EPRS1: variants seen among roughly 807,000 people sequenced by gnomAD.
The protein encoded by EPRS1 is glutamyl-prolyl-tRNA synthetase 1, also known as bifunctional glutamate/proline--tRNA ligase.
In EPRS1, 107 loss-of-function variants were observed where a neutral mutation model predicts 188.3. The ratio of observed to expected loss-of-function variants is 0.57; its 90% CI spans 0.49 to 0.67. The LOEUF is 0.67. Among genes scored for constraint, EPRS1 ranks in the 30% least tolerant of loss-of-function variants. EPRS1 has a pLI of 0.00. For missense variants in EPRS1, 1,577 were observed against 1,802.2 expected (o/e 0.88, Z 2.26); for synonymous variants, 596 against 593.1 (o/e 1.00, Z -0.07).
At position 220,034,985 on chromosome 1, in the gene EPRS1, T is replaced by C. The variant is rs1662151066; in HGVS notation, c.160A>G (p.Ile54Val). Residue 54 changes from isoleucine to valine, a missense_variant, in exon 3 of 32, where the codon ATA (isoleucine) becomes GTA (valine). By Grantham distance (29) the Ile-to-Val change is conservative (BLOSUM62 3). Around this residue, in one of 3 missense-constraint regions of EPRS1, gnomAD observed 1,278 missense variants for 1,457.4 expected, o/e 0.88. Transcript: ENST00000366923. ...ENVIFTDVNSILRYLARVATT... is the reference protein window; with the variant it reads ...ENVIFTDVNSVLRYLARVATT... ...GCAACTCTAGCCAAGTAGCGAAGTA[T>C]AGAATTCACATCTGTGAATATCACA... The C allele has an allele frequency of 6.3e-7, 1 of 1,595,736 alleles. No individual in the cohort carries two copies. The highest frequency in any genetic ancestry group is 1.1e-5 in the South Asian group (1 of 88,838).
At chr1:220,001,997 C>T (rs952945819) in intron 16 of EPRS1, among the ~76,000 whole-genome samples, 2 of 151,358 alleles carry the variant, frequency 1.3e-5, no homozygotes, top group African/African-American at 4.9e-5. Flanking sequence ...CCACTGCACT[C>T]CAGCCTGCGT....
At chr1:220,024,570 C>A in intron 7 of EPRS1, 114 bp from the exon 8 acceptor site, 1 of 648,904 alleles carries the variant, frequency 1.5e-6, no homozygotes, top group Non-Finnish European at 2.5e-6. Context: ...TCTTATTTAG[C>A]CTGAAAATGG....
intron 6 of EPRS1, 72 bp downstream of exon 6, chr1:220,030,314 A>C: frequency 2.1e-6 from 2 of 934,510 alleles, no homozygotes; most frequent in South Asian, 1.4e-5. Flanking sequence ...TAATACTTTA[A>C]GTATTTAATC....
At chr1:219,996,419 C>A (rs745328067) in intron 18 of EPRS1, among the ~76,000 whole-genome samples, 4 of 152,136 alleles carry the variant, frequency 2.6e-5, no homozygotes, top group Non-Finnish European at 5.9e-5. Context: ...AAGCATGGTC[C>A]CTGGGACAGT....
chr1:219,980,653 G>T, intron 25 of EPRS1, 103 bp downstream of exon 25: 1 of 670,422 alleles, frequency 1.5e-6, no homozygotes, highest in Non-Finnish European at 2.6e-6. Flanking sequence ...GAATTAATTT[G>T]ATTTTGCTTT....
intron 28 of EPRS1, 45 bp from the exon 29 acceptor site, chr1:219,973,443 A>T (rs1170214942): frequency 7.2e-7 from 1 of 1,397,892 alleles, no homozygotes; most frequent in East Asian, 2.4e-5. Context: ...GAATGTCTCC[A>T]GTTGAATATA....
At chr1:219,997,530 C>G (rs1339161662) in intron 17 of EPRS1, among the ~76,000 whole-genome samples, 188 bp from the exon 18 acceptor site, 1 of 151,970 alleles carries the variant, frequency 6.6e-6, no homozygotes, top group Non-Finnish European at 1.5e-5. Flanking sequence ...CAGGCGTAAA[C>G]AAAGATAGAG....
In EPRS1 at chr1:219,976,433, T is replaced by C. The variant is rs561562474; in HGVS notation, c.4083+2113A>G. On this transcript the variant is annotated intron_variant, in intron 28 of 31. Transcript: ENST00000366923. ...TGAATGGGGGTCTAGAATTAGACTA[T>C]TGTAATGTATGAACACTACTATACT... Among the ~76,000 whole-genome samples the C allele has an allele frequency of 6.6e-5, 10 of 152,336 alleles. No individual in the cohort carries two copies. The East Asian group carries it at 1.2e-3, about 18-fold the overall frequency.
chr1:220,038,453 C>T (rs1003529755), intron 2 of EPRS1, among the ~76,000 whole-genome samples: 2 of 129,742 alleles, frequency 1.5e-5, no homozygotes, highest in Non-Finnish European at 1.5e-5. Flanking sequence ...TGCAGTGGTG[C>T]GATCCTGGCT....
intron 16 of EPRS1, among the ~76,000 whole-genome samples, chr1:220,002,337 G>GA (rs59489422): frequency 0.63 from 91,554 of 145,104 alleles, 30,218 homozygotes; most frequent in Non-Finnish European, 0.75. Context: ...TGCCTCAATG[G>GA]AAAAAAAAAA....
rs768219031 is a variant in EPRS1, at chr1:220,006,118, G to A, written c.1938C>T (p.Asn646=). 2.2e-5 allele frequency: 35 copies of A among 1,573,988 alleles called. No individual in the cohort carries two copies. In the South Asian group the frequency reaches 4.0e-4, roughly 18 times the overall value. ...GKDEDFKQYV[N]KNSKHEELML... ...TTTGGAAGGTTACCTTACTGTTCTT[G>A]TTGACATACTGCTTAAAGTCCTCGT... Residue 646 remains asparagine, a synonymous_variant, in exon 15 of 32, where the codon AAC becomes AAT. Transcript: ENST00000366923.
At chr1:220,024,088 G>A (rs981932453) in intron 8 of EPRS1, among the ~76,000 whole-genome samples, 176 bp downstream of exon 8, 1 of 152,164 alleles carries the variant, frequency 6.6e-6, no homozygotes, top group South Asian at 2.1e-4. Flanking sequence ...GGAGGCGGAG[G>A]TTGCAGTGAG....
chr1:220,011,639 G>A (rs755940896), intron 12 of EPRS1, among the ~76,000 whole-genome samples: 1 of 152,172 alleles, frequency 6.6e-6, no homozygotes, highest in Non-Finnish European at 1.5e-5. Flanking sequence ...TATATTCTCA[G>A]TATATTCCCA....
At chr1:220,007,484 G>GA (rs752549435) in intron 13 of EPRS1, 146 bp from the exon 14 acceptor site, 15 of 640,534 alleles carry the variant, frequency 2.3e-5, no homozygotes, top group Non-Finnish European at 3.8e-5. Flanking sequence ...GTATTAGGAA[G>GA]AAAATGCTTT....
At chr1:219,992,241 C>A (rs2102571179) in intron 18 of EPRS1, among the ~76,000 whole-genome samples, 1 of 152,110 alleles carries the variant, frequency 6.6e-6, no homozygotes, top group South Asian at 2.1e-4. Context: ...AATAAAAGAG[C>A]AAAGATTGGC....
chr1:220,025,795 GTT>G (rs780936118), intron 6 of EPRS1, among the ~76,000 whole-genome samples: 6 of 141,550 alleles, frequency 4.2e-5, no homozygotes, highest in Admixed American at 1.4e-4. Flanking sequence ...CAAAATAAAA[GTT>G]TTTTTTTTTT....
chr1:220,024,948 A>G lies in EPRS1; in HGVS notation c.750+184T>C, dbSNP rs564023515. 92 of 580,590 alleles carry G rather than the reference A, an allele frequency of 1.6e-4. No homozygotes were observed. The African/African-American group carries it at 1.6e-3, about 10-fold the overall frequency. 36.0% of individuals were successfully genotyped at this position (580,590 alleles called of 1,614,324 possible). On this transcript the variant is annotated intron_variant, in intron 7 of 31. Coordinates refer to ENST00000366923, the MANE Select transcript of EPRS1 (RefSeq NM_004446.3). ...TCTATAACTGGGGAAAGGAAAAATA[A>G]CTCTTAAGTTTTTTGGTATGGGAGC... is the stretch of plus-strand genomic sequence containing the variant.
chr1:220,027,589 C>CAAAAA (rs374947643), intron 6 of EPRS1, among the ~76,000 whole-genome samples: 1,081 of 76,768 alleles, frequency 0.014, 30 homozygotes, highest in East Asian at 0.022. Context: ...GAGGCTATGT[C>CAAAAA]AAAAAAAAAA....
chr1:220,018,842 GTTTGT>G (rs1661796218), intron 11 of EPRS1, among the ~76,000 whole-genome samples, 148 bp downstream of exon 11: 1 of 74,170 alleles, frequency 1.3e-5, no homozygotes, highest in Admixed American at 1.6e-4. Context: ...AAAAAAAAAA[GTTTGT>G]TTTAAAAAAA....
Sources: allele counts gnomAD v4.1 joint callset (sites outside exome capture counted in the v4.1 genomes callset), GRCh38; gene constraint gnomAD v4.1.1; regional missense constraint gnomAD v4.1.1; transcripts MANE v1.5; gene names NCBI Gene and HGNC (gene_info 2026-07-23, HGNC 2026-07-21).